OSBPL2: variants seen among roughly 807,000 people sequenced by gnomAD.
OSBPL2 encodes oxysterol binding protein like 2.
Under a neutral mutation model 58.4 loss-of-function variants are expected in OSBPL2, and 18 were observed. That is an observed-to-expected ratio of 0.31 (90% CI 0.21 to 0.46). The LOEUF is 0.46. Among genes scored for constraint, OSBPL2 ranks in the 20% least tolerant of loss-of-function variants. The pLI is 1.00. For missense variants in OSBPL2, 461 were observed against 616.5 expected (o/e 0.75, Z 2.67); for synonymous variants, 221 against 234.1 (o/e 0.94, Z 0.51).
In OSBPL2 at chr20:62,294,347, TAG is replaced by T. The variant is rs1289310358; in HGVS notation, c.*463_*464del. The T allele has an allele frequency of 6.2e-6, 1 of 160,852 alleles. No individual in the cohort carries two copies. Among genetic ancestry groups the T allele is most frequent in the Non-Finnish European group, 1.4e-5 (1 of 73,400 alleles). The allele number at this position is 160,852 out of a possible 1,614,324, so 10.0% of individuals were successfully genotyped here. A position where few individuals can be genotyped will look rare whatever the true frequency, so the allele number is the denominator to read the frequency against. On this transcript the variant is annotated 3_prime_UTR_variant, in exon 14 of 14. Coordinates refer to ENST00000313733, the MANE Select transcript of OSBPL2 (RefSeq NM_144498.4). ...GAAGCTAATCCTGCAGAGAGTTTTA[TAG>T]AGGCCAGGGATTGCCTTCTAAATTA...
Position 62,291,696 on chromosome 20 carries a change from A to G in OSBPL2, c.1250-7A>G, listed in dbSNP as rs1983521046. 6.2e-7 allele frequency: 1 copy of G among 1,613,372 alleles called. No individual in the cohort carries two copies. Among genetic ancestry groups the G allele is most frequent in the Non-Finnish European group, 8.5e-7 (1 of 1,179,820 alleles). On this transcript the variant is annotated splice_polypyrimidine_tract_variant and splice_region_variant and intron_variant, in intron 12 of 13. Transcript: ENST00000313733. The stretch of plus-strand genomic sequence containing the variant: ...TGTCTGACCTAAACTGTTTGCTTGG[A>G]TCCTAGATCTGGCCAGCCAGGAGAA...
At chr20:62,279,656 T>G (rs917514519) in intron 7 of OSBPL2, 1 of 421,742 alleles carries the variant, frequency 2.4e-6, no homozygotes, top group Non-Finnish European at 4.4e-6. Flanking sequence ...CATCATTCAT[T>G]GTATTTCTTG....
intron 11 of OSBPL2, among the ~76,000 whole-genome samples, chr20:62,287,207 C>A (rs1983193742): frequency 7.3e-6 from 1 of 136,170 alleles, no homozygotes; most frequent in African/African-American, 2.7e-5. Flanking sequence ...ATATGATAAA[C>A]TACATGTTTT....
At chr20:62,248,079 G>A (rs1252795103) in intron 1 of OSBPL2, among the ~76,000 whole-genome samples, 3 of 151,408 alleles carry the variant, frequency 2.0e-5, no homozygotes, top group African/African-American at 7.3e-5. Context: ...AGTGCTGCTT[G>A]CTGATGTATT....
chr20:62,250,802 G>C (rs1326420670), intron 1 of OSBPL2, among the ~76,000 whole-genome samples: 1 of 152,086 alleles, frequency 6.6e-6, no homozygotes, highest in Non-Finnish European at 1.5e-5. Context: ...GTGTACGCCT[G>C]TGGTCCCAGC....
chr20:62,293,651 C>T (rs1007172395), intron 13 of OSBPL2, 134 bp from the exon 14 acceptor site: 5 of 666,022 alleles, frequency 7.5e-6, no homozygotes, highest in Middle Eastern at 4.2e-4. Context: ...GAAGTTGTTA[C>T]GCTGGGCTGC....
chr20:62,249,802 G>A (rs945171219), intron 1 of OSBPL2, among the ~76,000 whole-genome samples: 3 of 152,082 alleles, frequency 2.0e-5, no homozygotes, highest in African/African-American at 4.8e-5. Context: ...CTGAACTCCC[G>A]ACCTCAGGTG....
intron 1 of OSBPL2, among the ~76,000 whole-genome samples, chr20:62,251,292 G>A (rs1172695857): frequency 6.6e-6 from 1 of 151,236 alleles, no homozygotes; most frequent in Non-Finnish European, 1.5e-5. Context: ...CTGACCTCTT[G>A]ATCCACCCGC....
At chr20:62,280,081 A>G in intron 7 of OSBPL2, 1 of 1,304,328 alleles carries the variant, frequency 7.7e-7, no homozygotes, top group East Asian at 5.5e-5. Flanking sequence ...CGACAGACAC[A>G]GACCGGATGC....
In OSBPL2 at chr20:62,283,724, A is replaced by G. The variant is rs571066906; in HGVS notation, c.873-322A>G. Among the ~76,000 whole-genome samples, 3 of 151,964 alleles carry G rather than the reference A, an allele frequency of 2.0e-5. No individual in the cohort carries two copies. In the South Asian group the frequency reaches 6.3e-4, roughly 32 times the overall value. On this transcript the variant is annotated intron_variant, in intron 9 of 13. Transcript: ENST00000313733. ...TCTCCTGCAGCCCCCTGGACCAACCATCCTTTGGGTTTCCATCCCTTCCCG... is the reference window on the plus strand; with the variant it reads ...TCTCCTGCAGCCCCCTGGACCAACCGTCCTTTGGGTTTCCATCCCTTCCCG...
chr20:62,248,751 A>C (rs1253970663), intron 1 of OSBPL2, among the ~76,000 whole-genome samples: 2 of 151,898 alleles, frequency 1.3e-5, no homozygotes, highest in African/African-American at 4.8e-5. Context: ...AGTGCAGTGG[A>C]GCAATCATAG....
At chr20:62,279,927 T>C in intron 7 of OSBPL2, 1 of 1,298,430 alleles carries the variant, frequency 7.7e-7, no homozygotes, top group Non-Finnish European at 1.0e-6. Flanking sequence ...AGGGTTGGAA[T>C]TTGAAACAGC....
Position 62,273,532 on chromosome 20 carries a change from A to G in OSBPL2, c.491+126A>G, listed in dbSNP as rs568748330. 7.5e-6 allele frequency: 6 copies of G among 796,420 alleles called. No individual in the cohort carries two copies. In the African/African-American group the frequency reaches 1.0e-4, roughly 14 times the overall value. The allele number at this position is 796,420 out of a possible 1,614,324, so 49.3% of individuals were successfully genotyped here. A position where few individuals can be genotyped will look rare whatever the true frequency, so the allele number is the denominator to read the frequency against. ...AATAAACTGTTTGAATTAAGAGCTCACGAAAGCGTTTGGATGCTGTAGGCG... is the reference window on the plus strand; with the variant it reads ...AATAAACTGTTTGAATTAAGAGCTCGCGAAAGCGTTTGGATGCTGTAGGCG... On this transcript the variant is annotated intron_variant, in intron 6 of 13. Transcript: ENST00000313733.
intron 3 of OSBPL2, among the ~76,000 whole-genome samples, chr20:62,261,083 C>T (rs1981269196): frequency 6.6e-6 from 1 of 151,896 alleles, no homozygotes; most frequent in South Asian, 2.1e-4. Context: ...TTTGGAAGGC[C>T]GAGGTGGGCG....
rs567038018 is a variant in OSBPL2 at position 62,274,720 on chromosome 20, G to A, written c.491+1314G>A. On this transcript the variant is annotated intron_variant, in intron 6 of 13. Transcript: ENST00000313733. ...CTCGCTCCGCCTGCCTGGGGAGAAG[G>A]AGCTGGAGGGGCGTGGGTGGTTATC... Among the ~76,000 whole-genome samples, 9 of 152,370 alleles carry A rather than the reference G, an allele frequency of 5.9e-5. No individual in the cohort carries two copies. In the South Asian group the frequency reaches 8.3e-4, roughly 14 times the overall value.
At chr20:62,246,007 C>T (rs1056675409) in intron 1 of OSBPL2, among the ~76,000 whole-genome samples, 8 of 152,248 alleles carry the variant, frequency 5.3e-5, no homozygotes, top group Non-Finnish European at 1.2e-4. Flanking sequence ...GTGTCCTTGA[C>T]GGCCCTCCAT....
intron 4 of OSBPL2, chr20:62,264,651 G>A (rs2145940245): frequency 6.6e-6 from 1 of 152,166 alleles, no homozygotes; most frequent in Middle Eastern, 3.4e-3. Context: ...TCACAAAATA[G>A]CACAGAGCAT....
rs1983335560 is a variant in OSBPL2 at position 62,289,273 on chromosome 20, C to G, written c.1192C>G (p.Pro398Ala). The G allele has an allele frequency of 1.2e-6, 2 of 1,613,606 alleles. No individual in the cohort carries two copies. Among genetic ancestry groups the G allele is most frequent in the South Asian group, 2.2e-5 (2 of 90,926 alleles). Residue 398 changes from proline (P) to alanine (A), a missense_variant, in exon 12 of 14, where the codon CCA becomes GCA. Transcript: ENST00000313733. ...GGAGACAGGCATGGAGAAGACCCTG[C>G]CACCCACGGACTGCCGCCTGCGCCC... Reference protein sequence around the residue: ...ELETGMEKTLPPTDCRLRPDI... With the variant: ...ELETGMEKTLAPTDCRLRPDI...
intron 4 of OSBPL2, among the ~76,000 whole-genome samples, chr20:62,268,037 C>CG (rs1409147159): frequency 1.3e-5 from 2 of 150,574 alleles, no homozygotes; most frequent in East Asian, 3.9e-4. Flanking sequence ...CGCCTGCCAC[C>CG]GTGCCCGGCT....
Sources: allele counts gnomAD v4.1 joint callset (sites outside exome capture counted in the v4.1 genomes callset), GRCh38; gene constraint gnomAD v4.1.1; transcripts MANE v1.5; gene names NCBI Gene and HGNC (gene_info 2026-07-23, HGNC 2026-07-21).